Variants in NFX1 observed in about 807,000 individuals in gnomAD.
NFX1 encodes the protein nuclear transcription factor, X-box binding 1.
NFX1 carries 69 observed loss-of-function variants against 137.2 expected under a neutral mutation model. The observed-to-expected ratio is 0.50, with a 90% confidence interval of 0.41 to 0.61. NFX1 has a LOEUF of 0.61. Ranked by LOEUF, NFX1 falls within the 20% of genes least tolerant of loss-of-function variation. The pLI, the probability that NFX1 is intolerant of heterozygous loss-of-function variation, is 0.00. For synonymous variants in NFX1, 495 were observed against 474.1 expected (o/e 1.04, Z -0.57); for missense variants, 1,167 against 1,391.0 (o/e 0.84, Z 2.56).
At chr9:33,326,460 T>G (rs1424160706) in intron 9 of NFX1, among the ~76,000 whole-genome samples, 1 of 149,742 alleles carries the variant, frequency 6.7e-6, no homozygotes, top group African/African-American at 2.5e-5. Flanking sequence ...AGCTCTCACC[T>G]GTAATCCCAG....
intron 2 of NFX1, among the ~76,000 whole-genome samples, chr9:33,300,319 T>C (rs1395595806): frequency 6.6e-6 from 1 of 152,054 alleles, no homozygotes; most frequent in East Asian, 1.9e-4. Flanking sequence ...CGCCTTGGCC[T>C]CCCAAAGTGC....
intron 9 of NFX1, among the ~76,000 whole-genome samples, chr9:33,327,556 A>G (rs1822640881): frequency 6.6e-6 from 1 of 151,912 alleles, no homozygotes; most frequent in Non-Finnish European, 1.5e-5. Flanking sequence ...TAGTAGAGAC[A>G]GGGTTTCACC....
chr9:33,303,035 A>G (rs1313226007), intron 3 of NFX1, among the ~76,000 whole-genome samples, 156 bp from the exon 4 acceptor site: 1 of 149,736 alleles, frequency 6.7e-6, no homozygotes, highest in African/African-American at 2.5e-5. Flanking sequence ...CTAAGCAGTC[A>G]GTATTGTGAA....
intron 7 of NFX1, among the ~76,000 whole-genome samples, chr9:33,315,891 CA>C (rs11394022): frequency 6.8e-6 from 1 of 147,520 alleles, no homozygotes; most frequent in African/African-American, 2.5e-5. Context: ...ACCTCTGTCT[CA>C]AAAAAAAAAA....
intron 9 of NFX1, among the ~76,000 whole-genome samples, chr9:33,325,594 G>A (rs1274182679): frequency 1.3e-5 from 2 of 152,132 alleles, no homozygotes; most frequent in Non-Finnish European, 2.9e-5. Flanking sequence ...AACCCGGGAG[G>A]CGTAGCTTGC....
intron 17 of NFX1, among the ~76,000 whole-genome samples, chr9:33,353,223 G>A (rs2118646082): frequency 6.6e-6 from 1 of 152,238 alleles, no homozygotes; most frequent in African/African-American, 2.4e-5. Context: ...AGATAAGAAG[G>A]GAAGATGTCC....
intron 5 of NFX1, among the ~76,000 whole-genome samples, chr9:33,307,935 C>G (rs1414444074): frequency 2.6e-5 from 4 of 151,722 alleles, no homozygotes; most frequent in Non-Finnish European, 4.4e-5. Flanking sequence ...TCCTGAGTAG[C>G]TGGGACTACA....
chr9:33,338,581 T>C lies in NFX1; in HGVS notation c.2107T>C (p.Cys703Arg). 6.3e-7 allele frequency: 1 copy of C among 1,593,728 alleles called. No homozygotes were observed. Among genetic ancestry groups the C allele is most frequent in the Non-Finnish European group, 8.5e-7 (1 of 1,173,848 alleles). The change falls in exon 12 of 24, where the codon TGC becomes CGC. Residue 703 changes from cysteine (C) to arginine (R), a missense_variant. Physicochemically the swap from Cys to Arg is radical, Grantham distance 180. This residue lies in a region of NFX1 where 488 missense variants were observed against 691.5 expected (regional missense o/e 0.71). Transcript: ENST00000379540. ...LCGRHKCNEI[C>R]CVDKEHKCPL... is the part of the protein sequence containing the mutation. ...TGGACGGCATAAATGTAATGAGATA[T>C]GCTGTGTGGTAAGTGGACTTATTAG...
At chr9:33,324,736 G>GC (rs201795462) in intron 9 of NFX1, among the ~76,000 whole-genome samples, 2,732 of 151,858 alleles carry the variant, frequency 0.018, 37 homozygotes, top group Non-Finnish European at 0.03. Context: ...GACCATCCTG[G>GC]CTAACATGGT....
chr9:33,369,779 TAAAATA>T (rs1219110937), intron 23 of NFX1, 121 bp from the exon 24 acceptor site: 12 of 763,764 alleles, frequency 1.6e-5, no homozygotes, highest in Non-Finnish European at 2.6e-5. Context: ...AAAGTAAGAC[TAAAATA>T]AAAATAAAAT....
Position 33,364,013 on chromosome 9 carries a change from A to T in NFX1, c.2877A>T (p.Arg959Ser), listed in dbSNP as rs758845691. The change falls in exon 20 of 24, where the codon AGA (arginine) becomes AGT (serine). Residue 959 changes from arginine to serine, a missense_variant. By Grantham distance (110) the Arg-to-Ser change is moderately radical. Transcript: ENST00000379540. ...CATACCTCTCTCTCTCTTTCAGGAG[A>T]TTAGCAGAGGCATTTCATATCAGTG... ...EECSALERKKRLAEAFHISED... is the reference protein window; with the variant it reads ...EECSALERKKSLAEAFHISED... The T allele has an allele frequency of 2.2e-5, 35 of 1,578,138 alleles. No individual in the cohort carries two copies. The highest frequency in any genetic ancestry group is 2.8e-5 in the Non-Finnish European group (33 of 1,163,272).
chr9:33,338,918 C>A (rs955541565), intron 12 of NFX1, among the ~76,000 whole-genome samples: 6 of 152,182 alleles, frequency 3.9e-5, no homozygotes, highest in Non-Finnish European at 7.3e-5. Context: ...GTTGTCCCAA[C>A]ACAAACTGGC....
intron 9 of NFX1, among the ~76,000 whole-genome samples, chr9:33,324,137 G>C (rs1822491626): frequency 6.6e-6 from 1 of 152,112 alleles, no homozygotes; most frequent in Non-Finnish European, 1.5e-5. Flanking sequence ...CCAGCACTTT[G>C]GGAGGCTGAG....
chr9:33,363,434 C>T (rs943627445), intron 19 of NFX1, among the ~76,000 whole-genome samples: 1 of 151,814 alleles, frequency 6.6e-6, no homozygotes, highest in African/African-American at 2.4e-5. Context: ...CAGGCACGTG[C>T]TACCACACCC....
intron 11 of NFX1, among the ~76,000 whole-genome samples, chr9:33,336,966 G>A (rs1823029050): frequency 6.6e-6 from 1 of 152,118 alleles, no homozygotes; most frequent in African/African-American, 2.4e-5. Context: ...AGCCGGCATG[G>A]TGGCAGGCAC....
intron 19 of NFX1, among the ~76,000 whole-genome samples, chr9:33,356,126 A>T (rs1221868780): frequency 6.6e-6 from 1 of 152,144 alleles, no homozygotes; most frequent in Non-Finnish European, 1.5e-5. Context: ...ATTGCTGTAC[A>T]TTTTTGTCAG....
intron 15 of NFX1, among the ~76,000 whole-genome samples, chr9:33,349,059 A>G (rs995959851): frequency 1.3e-5 from 2 of 152,118 alleles, no homozygotes; most frequent in African/African-American, 2.4e-5. Context: ...ATTCTTTTCT[A>G]TATGTCTCAC....
Position 33,303,764 on chromosome 9 carries a change from C to G in NFX1, c.1270+496C>G, listed in dbSNP as rs147638230. Among the ~76,000 whole-genome samples, 8 of 152,262 alleles carry G rather than the reference C, an allele frequency of 5.3e-5. No individual in the cohort carries two copies. In the East Asian group the frequency reaches 1.3e-3, roughly 26 times the overall value. On this transcript the variant is annotated intron_variant, in intron 4 of 23. Coordinates refer to ENST00000379540, the MANE Select transcript of NFX1 (RefSeq NM_002504.6). ...TCTGTTTTTGAATATCTCAGTTCCC[C>G]CAAGTATTAGGGGAAAACTTCTTGT...
chr9:33,310,634 C>T (rs984577184), intron 5 of NFX1, among the ~76,000 whole-genome samples: 1 of 152,090 alleles, frequency 6.6e-6, no homozygotes, highest in African/African-American at 2.4e-5. Flanking sequence ...ATTGTTTGCC[C>T]AGTGCCTGAT....
Sources: allele counts gnomAD v4.1 joint callset (sites outside exome capture counted in the v4.1 genomes callset), GRCh38; gene constraint gnomAD v4.1.1; regional missense constraint gnomAD v4.1.1; transcripts MANE v1.5; gene names NCBI Gene and HGNC (gene_info 2026-07-23, HGNC 2026-07-21).